The following SLC44A2 variants were observed in gnomAD, a reference collection of about 807,000 sequenced individuals.
SLC44A2 encodes solute carrier family 44 member 2 (CTL2 blood group).
Under a neutral mutation model 90.8 loss-of-function variants are expected in SLC44A2, and 57 were observed. The ratio of observed to expected loss-of-function variants is 0.63; its 90% CI spans 0.51 to 0.78. The LOEUF (loss-of-function observed/expected upper bound fraction) is 0.78, where lower values mean the gene tolerates loss of function less well. Ranked by LOEUF, SLC44A2 falls within the 30% of genes least tolerant of loss-of-function variation. SLC44A2 has a pLI of 0.00. For missense variants in SLC44A2, 794 were observed against 919.7 expected (o/e 0.86, Z 1.77); for synonymous variants, 355 against 360.7 (o/e 0.98, Z 0.18).
At chr19:10,635,104 G>A (rs754453487) in intron 12 of SLC44A2, 31 bp downstream of exon 12, 1 of 1,613,664 alleles carries the variant, frequency 6.2e-7, no homozygotes, top group Non-Finnish European at 8.5e-7. Context: ...GGGCCAGGAT[G>A]GAGCTGTCCC....
chr19:10,642,953 G>C (rs771035309), intron 21 of SLC44A2: 3 of 1,592,926 alleles, frequency 1.9e-6, no homozygotes, highest in African/African-American at 2.7e-5. Context: ...CATGTCGCCC[G>C]AGCTGAGAGA....
At position 10,627,755 on chromosome 19, in the gene SLC44A2, G is replaced by A. The variant is rs567383394; in HGVS notation, c.120G>A (p.Leu40=). The change falls in exon 3 of 22, where the codon CTG becomes CTA. Residue 40 remains leucine, a synonymous_variant. Coordinates refer to ENST00000335757, the MANE Select transcript of SLC44A2 (RefSeq NM_020428.4). ...CGGATATCATATGCTGTGTGTTCCT[G>A]CTCCTGGCCATTGTGGGCTACGTGG... ...GCTDIICCVF[L]LLAIVGYVAV... The A allele has an allele frequency of 1.2e-6, 2 of 1,613,832 alleles. No homozygotes were observed. The highest frequency in any genetic ancestry group is 2.7e-5 in the African/African-American group (2 of 75,016).
At chr19:10,625,799 T>A in intron 1 of SLC44A2, 129 bp downstream of exon 1, 1 of 807,366 alleles carries the variant, frequency 1.2e-6, no homozygotes, top group Non-Finnish European at 1.7e-6. Flanking sequence ...GCCTGGAGCC[T>A]CCCCACCATC....
At chr19:10,614,985 AAAAG>A (rs1188473712) in intron 1 of SLC44A2, among the ~76,000 whole-genome samples, 1 of 151,138 alleles carries the variant, frequency 6.6e-6, no homozygotes, top group African/African-American at 2.4e-5. Context: ...AAAAAAAAAA[AAAAG>A]AAGAAGAAAA....
chr19:10,606,998 G>A (rs1248151072), intron 1 of SLC44A2, among the ~76,000 whole-genome samples: 6 of 143,574 alleles, frequency 4.2e-5, no homozygotes, highest in East Asian at 2.1e-4. Context: ...TGCAAGCTCC[G>A]CCTCCCGGGT....
At position 10,627,752 on chromosome 19, in the gene SLC44A2, C is replaced by T. The variant is rs758734735; in HGVS notation, c.117C>T (p.Phe39=). Residue 39 remains phenylalanine (F), a synonymous_variant, in exon 3 of 22, where the codon TTC becomes TTT. Transcript: ENST00000335757. ...GCACGGATATCATATGCTGTGTGTTCCTGCTCCTGGCCATTGTGGGCTACG... is the reference window on the plus strand; with the variant it reads ...GCACGGATATCATATGCTGTGTGTTTCTGCTCCTGGCCATTGTGGGCTACG... ...RGCTDIICCV[F]LLLAIVGYVA... The T allele has an allele frequency of 1.2e-6, 2 of 1,613,814 alleles. No homozygotes were observed. The highest frequency in any genetic ancestry group is 1.1e-5 in the South Asian group (1 of 91,064).
At chr19:10,635,629 C>CT (rs2067046153) in intron 14 of SLC44A2, 114 bp downstream of exon 14, 1 of 938,884 alleles carries the variant, frequency 1.1e-6, no homozygotes, top group Non-Finnish European at 1.6e-6. Flanking sequence ...GTTGCATGTC[C>CT]TGTGCTAGGT....
intron 1 of SLC44A2, among the ~76,000 whole-genome samples, chr19:10,614,022 G>A (rs1217724542): frequency 6.6e-6 from 1 of 151,986 alleles, no homozygotes. Context: ...CTGGAGTGCA[G>A]TGATGCGATC....
rs1005003268 is a variant in SLC44A2 at position 10,637,847 on chromosome 19, C to A, written c.1696-9C>A. On this transcript the variant is annotated splice_polypyrimidine_tract_variant and intron_variant, in intron 17 of 21. Coordinates refer to ENST00000335757, the MANE Select transcript of SLC44A2 (RefSeq NM_020428.4). ...GTGGGTCTGATCTCTCCCTCCCACT[C>A]TCCTCCAGATTGCCATCTACGGCAC... is the stretch of plus-strand genomic sequence containing the variant. 6.2e-7 allele frequency: 1 copy of A among 1,614,158 alleles called. No individual in the cohort carries two copies. The highest frequency in any genetic ancestry group is 8.5e-7 in the Non-Finnish European group (1 of 1,180,020).
At chr19:10,602,550 A>G in exon 1 of SLC44A2, 1 of 1,276,660 alleles carries the variant, frequency 7.8e-7, no homozygotes. Flanking sequence ...GAGCGGAAAA[A>G]CGGAGCCTAC....
At chr19:10,615,484 G>A (rs1224530109) in intron 1 of SLC44A2, among the ~76,000 whole-genome samples, 1 of 151,874 alleles carries the variant, frequency 6.6e-6, no homozygotes, top group Non-Finnish European at 1.5e-5. Flanking sequence ...TGAGGCACAA[G>A]AGTCGCTTAA....
intron 4 of SLC44A2, among the ~76,000 whole-genome samples, chr19:10,629,815 G>A (rs555383621): frequency 1.3e-5 from 2 of 150,580 alleles, no homozygotes; most frequent in African/African-American, 2.4e-5. Flanking sequence ...GTGCAATGGT[G>A]CGATCTTGGC....
chr19:10,634,181 G>T (rs1453288643), intron 10 of SLC44A2, among the ~76,000 whole-genome samples: 2 of 142,132 alleles, frequency 1.4e-5, no homozygotes, highest in South Asian at 4.6e-4. Flanking sequence ...GTAGACACGG[G>T]GTTTCACCAT....
intron 1 of SLC44A2, among the ~76,000 whole-genome samples, chr19:10,602,794 C>T (rs1457722558): frequency 6.6e-6 from 1 of 152,120 alleles, no homozygotes; most frequent in African/African-American, 2.4e-5. Flanking sequence ...CCGGGGCTCA[C>T]GGCGCATGCT....
At chr19:10,640,568 A>C (rs2067104811) in intron 20 of SLC44A2, among the ~76,000 whole-genome samples, 1 of 152,128 alleles carries the variant, frequency 6.6e-6, no homozygotes, top group South Asian at 2.1e-4. Context: ...CAAGGACTAC[A>C]GGCATGAGCC....
Position 10,636,385 on chromosome 19 carries a change from C to T in SLC44A2, c.1296C>T (p.Tyr432=), listed in dbSNP as rs1381430201. 2.5e-6 allele frequency: 4 copies of T among 1,613,880 alleles called. No individual in the cohort carries two copies. Among genetic ancestry groups the T allele is most frequent in the African/African-American group, 1.3e-5 (1 of 74,958 alleles). The part of the protein sequence containing the change: ...CPNARCQFAF[Y]GGESGYHRAL... Reference sequence around the variant, plus strand: ...ATGCCCGTTGCCAGTTCGCCTTCTACGGTGGTGAGTCGGGCTACCACCGGG... The same window carrying T: ...ATGCCCGTTGCCAGTTCGCCTTCTATGGTGGTGAGTCGGGCTACCACCGGG... The change falls in exon 15 of 22, where the codon TAC becomes TAT. Residue 432 remains tyrosine (Y), a synonymous_variant. Coordinates refer to ENST00000335757, the MANE Select transcript of SLC44A2 (RefSeq NM_020428.4).
At chr19:10,612,170 C>G (rs1293421033) in intron 1 of SLC44A2, among the ~76,000 whole-genome samples, 1 of 151,940 alleles carries the variant, frequency 6.6e-6, no homozygotes, top group Non-Finnish European at 1.5e-5. Context: ...GAATTTTATA[C>G]CAGCCTGGGC....
chr19:10,638,400 A>T (rs1170899138), intron 20 of SLC44A2, 85 bp downstream of exon 20: 2 of 1,259,330 alleles, frequency 1.6e-6, no homozygotes, highest in East Asian at 4.6e-5. Context: ...ATAAATGTGG[A>T]TAGAGGTCAG....
chr19:10,602,581 A>G, intron 1 of SLC44A2: 2 of 1,266,432 alleles, frequency 1.6e-6, no homozygotes, highest in Non-Finnish European at 2.0e-6. Flanking sequence ...GCCTCCGGTC[A>G]GGGGCCGCCT....
Sources: allele counts gnomAD v4.1 joint callset (sites outside exome capture counted in the v4.1 genomes callset), GRCh38; gene constraint gnomAD v4.1.1; transcripts MANE v1.5; gene names NCBI Gene and HGNC (gene_info 2026-07-23, HGNC 2026-07-21).